Variants in RFX2 observed in about 807,000 individuals in gnomAD.
RFX2 encodes regulatory factor X2.
In RFX2, 20 loss-of-function variants were observed where a neutral mutation model predicts 87.8. That is an observed-to-expected ratio of 0.23 (90% CI 0.16 to 0.33). The LOEUF (loss-of-function observed/expected upper bound fraction) is 0.33, where lower values mean the gene tolerates loss of function less well. RFX2 is among the 10% of genes least tolerant of loss of function. RFX2 has a pLI of 1.00. For synonymous variants in RFX2, 397 were observed against 431.3 expected (o/e 0.92, Z 0.98); for missense variants, 767 against 1,012.3 (o/e 0.76, Z 3.29).
chr19:6,011,851 A>G lies in RFX2; in HGVS notation c.899+1135T>C, dbSNP rs1473672409. Among the ~76,000 whole-genome samples, 2 of 152,234 alleles carry G rather than the reference A, an allele frequency of 1.3e-5. No individual in the cohort carries two copies. Among genetic ancestry groups the G allele is most frequent in the African/African-American group, 4.8e-5 (2 of 41,466 alleles). ...AAAGGTGCCACGTGGGGCTATTGCA[A>G]TGTGGCCCCTGCCCTCAGGGGGGGC... On this transcript the variant is annotated intron_variant, in intron 8 of 17. Transcript: ENST00000303657. This position sits in a 1 kb window ranked among gnomAD's most constrained non-coding sequence, Gnocchi z 4.8.
rs1182100552 is a variant in RFX2 at position 5,997,149 on chromosome 19, G to A, written c.1924C>T (p.Arg642Cys). The A allele has an allele frequency of 1.2e-6, 2 of 1,613,578 alleles. No individual in the cohort carries two copies. Among genetic ancestry groups the A allele is most frequent in the Non-Finnish European group, 8.5e-7 (1 of 1,180,008 alleles). ...AACATGTACTCGTCGTAGAGCAGGC[G>A]GATGAGGTGGAAGGAGCCGAAGCTG... is the stretch of plus-strand genomic sequence containing the variant. The part of the protein sequence containing the change: ...AASFGSFHLI[R>C]LLYDEYMFYL... The change falls in exon 16 of 18, where the codon CGC becomes TGC. Residue 642 changes from arginine to cysteine, a missense_variant. Arg to Cys is a radical substitution (Grantham distance 180). Transcript: ENST00000303657. This position sits in a 1 kb window ranked among gnomAD's most constrained non-coding sequence, Gnocchi z 4.2.
In RFX2 at chr19:6,026,392, C is replaced by T. The variant is rs979548920; in HGVS notation, c.523-155G>A. ...AAAATGAGGCTCCACGCAGGCAGGGCGGGGGTGAGTTAAATTGTGCATGAA... is the reference window on the plus strand; with the variant it reads ...AAAATGAGGCTCCACGCAGGCAGGGTGGGGGTGAGTTAAATTGTGCATGAA... On this transcript the variant is annotated intron_variant, in intron 5 of 17. Transcript: ENST00000303657. The surrounding 1 kb of genome is among the most constrained non-coding windows in gnomAD (Gnocchi z 4.5). The T allele has an allele frequency of 6.0e-6, 4 of 663,652 alleles. No homozygotes were observed. The Admixed American group carries it at 1.1e-4, about 18-fold the overall frequency. The allele number at this position is 663,652 out of a possible 1,614,324, so 41.1% of individuals were successfully genotyped here. A position where few individuals can be genotyped will look rare whatever the true frequency, so the allele number is the denominator to read the frequency against.
chr19:6,051,776 AT>A lies in RFX2; in HGVS notation c.-8-4273del, dbSNP rs202067774. Among the ~76,000 whole-genome samples, 1,005 of 152,362 alleles carry A rather than the reference AT, an allele frequency of 6.6e-3. 6 individuals carry two copies. In the Middle Eastern group the frequency reaches 0.078, roughly 12 times the overall value. On this transcript the variant is annotated intron_variant, in intron 1 of 17. Coordinates refer to ENST00000303657, the MANE Select transcript of RFX2 (RefSeq NM_000635.4). ...CCTGGATAACAATCAAGATCCCATTATATGGTCCCTAAAAGAAACCCTCCTT... is the reference window on the plus strand; with the variant it reads ...CCTGGATAACAATCAAGATCCCATTAATGGTCCCTAAAAGAAACCCTCCTT...
Position 6,085,647 on chromosome 19 carries a change from G to A in RFX2, c.-9+24746C>T, listed in dbSNP as rs561033677. On this transcript the variant is annotated intron_variant, in intron 1 of 17. Transcript: ENST00000303657. ...TAATCCTTCTGTTTTTCCTTTTGTC[G>A]TGAGTGCTTTTGATGTCCTATCCAA... 1.6e-4 allele frequency among the ~76,000 whole-genome samples: 24 copies of A among 152,158 alleles called. No individual in the cohort carries two copies. In the South Asian group the frequency reaches 3.3e-3, roughly 21 times the overall value.
At chr19:6,058,374 TA>T (rs2087377083) in intron 1 of RFX2, among the ~76,000 whole-genome samples, 1 of 152,030 alleles carries the variant, frequency 6.6e-6, no homozygotes, top group Non-Finnish European at 1.5e-5. Flanking sequence ...AGCCCCCGAG[TA>T]AAACAGGCCT....
rs920724427 is a variant in RFX2 at position 6,063,821 on chromosome 19, C to T, written c.-8-16317G>A. On this transcript the variant is annotated intron_variant, in intron 1 of 17. Coordinates refer to ENST00000303657, the MANE Select transcript of RFX2 (RefSeq NM_000635.4). The surrounding 1 kb of genome is among the most constrained non-coding windows in gnomAD (Gnocchi z 4.0). ...CCTCCACCCACTCCATGCCAGGAAA[C>T]CCCCCGACCCCTGTCTGACAGCCAC... is the stretch of plus-strand genomic sequence containing the variant. 1.3e-5 allele frequency among the ~76,000 whole-genome samples: 2 copies of T among 152,198 alleles called. No individual in the cohort carries two copies. Among genetic ancestry groups the T allele is most frequent in the African/African-American group, 4.8e-5 (2 of 41,456 alleles).
rs2088236240 is a variant in RFX2 at position 6,107,523 on chromosome 19, A to T, written c.-9+2870T>A. Among the ~76,000 whole-genome samples the T allele has an allele frequency of 3.4e-5, 5 of 147,848 alleles. No homozygotes were observed. The South Asian group carries it at 8.7e-4, about 26-fold the overall frequency. The stretch of plus-strand genomic sequence containing the variant: ...TCCCAGCTATTCAGGAGGCTGAGAC[A>T]GGTGAATCCCTTGAGCCTGGGAGGT... On this transcript the variant is annotated intron_variant, in intron 1 of 17. Transcript: ENST00000303657.
At chr19:6,043,181 C>A (rs2087135604) in intron 3 of RFX2, among the ~76,000 whole-genome samples, 1 of 152,198 alleles carries the variant, frequency 6.6e-6, no homozygotes, top group Admixed American at 6.5e-5. Flanking sequence ...GGGGCAGGCC[C>A]AGCACCAGAA....
At chr19:6,019,418 A>C (rs2086775443) in intron 6 of RFX2, among the ~76,000 whole-genome samples, 1 of 151,384 alleles carries the variant, frequency 6.6e-6, no homozygotes, top group Non-Finnish European at 1.5e-5. Flanking sequence ...GAGTGCTTGG[A>C]CCCTTAAGAG....
rs554079652 is a variant in RFX2, at chr19:6,021,158, C to T, written c.598-4887G>A. Among the ~76,000 whole-genome samples, 44 of 152,174 alleles carry T rather than the reference C, an allele frequency of 2.9e-4. No individual in the cohort carries two copies. Among genetic ancestry groups the T allele is most frequent in the Non-Finnish European group, 4.1e-4 (28 of 68,040 alleles). ...TCCTGGTGGTGAGTTAGAGTCTCAC[C>T]GGGCCATACACTAGCAGCTCGGGCA... On this transcript the variant is annotated intron_variant, in intron 6 of 17. Coordinates refer to ENST00000303657, the MANE Select transcript of RFX2 (RefSeq NM_000635.4). This position sits in a 1 kb window ranked among gnomAD's most constrained non-coding sequence, Gnocchi z 5.7.
chr19:6,098,917 A>G (rs919243433), intron 1 of RFX2, among the ~76,000 whole-genome samples: 6 of 135,342 alleles, frequency 4.4e-5, no homozygotes, highest in Non-Finnish European at 6.2e-5. Context: ...TTTTGGGGTG[A>G]CCCCAAATGT....
chr19:6,016,955 T>C lies in RFX2; in HGVS notation c.598-684A>G, dbSNP rs916521970. 2.0e-5 allele frequency among the ~76,000 whole-genome samples: 3 copies of C among 152,172 alleles called. No homozygotes were observed. The highest frequency in any genetic ancestry group is 4.8e-5 in the African/African-American group (2 of 41,440). On this transcript the variant is annotated intron_variant, in intron 6 of 17. Transcript: ENST00000303657. The surrounding 1 kb of genome is among the most constrained non-coding windows in gnomAD (Gnocchi z 5.4). ...GAAATTCTGTTGCTGAACAGGAAGATTGAAGAAGACTCGGGGGCCCCACAG... is the reference window on the plus strand; with the variant it reads ...GAAATTCTGTTGCTGAACAGGAAGACTGAAGAAGACTCGGGGGCCCCACAG...
At chr19:6,052,067 G>A (rs372617821) in intron 1 of RFX2, among the ~76,000 whole-genome samples, 4 of 151,964 alleles carry the variant, frequency 2.6e-5, no homozygotes, top group East Asian at 1.9e-4. Context: ...TAGTAGAGAC[G>A]GGGTTTCACC....
At chr19:6,035,346 A>G (rs183634103) in intron 5 of RFX2, among the ~76,000 whole-genome samples, 57 of 152,286 alleles carry the variant, frequency 3.7e-4, no homozygotes, top group African/African-American at 1.4e-3. Context: ...AGGAGGTTCC[A>G]CTTGGGCAGA....
intron 5 of RFX2, among the ~76,000 whole-genome samples, chr19:6,032,446 T>C (rs2086965081): frequency 6.6e-6 from 1 of 152,114 alleles, no homozygotes; most frequent in Admixed American, 6.5e-5. Context: ...TGCAGATTGT[T>C]TTTAAAAGGG....
chr19:6,015,394 A>G (rs1599853421), intron 7 of RFX2, among the ~76,000 whole-genome samples: 1 of 151,908 alleles, frequency 6.6e-6, no homozygotes. Context: ...ACGCCACTGC[A>G]CTCCAGCCTG....
rs1599847885 is a variant in RFX2 at position 6,010,109 on chromosome 19, GC to G, written c.1015+26del. On this transcript the variant is annotated intron_variant, in intron 9 of 17. Coordinates refer to ENST00000303657, the MANE Select transcript of RFX2 (RefSeq NM_000635.4). This position sits in a 1 kb window ranked among gnomAD's most constrained non-coding sequence, Gnocchi z 5.0. Reference sequence around the variant, plus strand: ...AGTGTGGCGAGCAGATGGGAGCCCCGCCCCCGGGCCTGACCGGGCCTCTCAC... The same window carrying G: ...AGTGTGGCGAGCAGATGGGAGCCCCGCCCCGGGCCTGACCGGGCCTCTCAC... 2 of 1,441,788 alleles carry G rather than the reference GC, an allele frequency of 1.4e-6. No individual in the cohort carries two copies. Among genetic ancestry groups the G allele is most frequent in the Non-Finnish European group, 9.5e-7 (1 of 1,052,910 alleles). 89.3% of individuals were successfully genotyped at this position (1,441,788 alleles called of 1,614,324 possible).
chr19:6,047,359 C>A lies in RFX2; in HGVS notation c.90+48G>T. The A allele has an allele frequency of 7.0e-7, 1 of 1,437,316 alleles. No homozygotes were observed. The highest frequency in any genetic ancestry group is 9.6e-7 in the Non-Finnish European group (1 of 1,045,384). The allele number at this position is 1,437,316 out of a possible 1,614,324, so 89.0% of individuals were successfully genotyped here. ...GAGCAGCTTTCAAACCCATAGAGAT[C>A]GCGTCCACACTGTGGCCACCCTGTT... On this transcript the variant is annotated intron_variant, in intron 2 of 17. Transcript: ENST00000303657. The surrounding 1 kb of genome is among the most constrained non-coding windows in gnomAD (Gnocchi z 4.2).
chr19:6,017,394 T>C lies in RFX2; in HGVS notation c.598-1123A>G, dbSNP rs2086742647. Among the ~76,000 whole-genome samples, 1 of 152,202 alleles carries C rather than the reference T, an allele frequency of 6.6e-6. No individual in the cohort carries two copies. Among genetic ancestry groups the C allele is most frequent in the African/African-American group, 2.4e-5 (1 of 41,456 alleles). The stretch of plus-strand genomic sequence containing the variant: ...ACGCAAAGGTGGCCTGCCCACCAAC[T>C]GATGCCCTCACCCAGGTGCCTTAAA... On this transcript the variant is annotated intron_variant, in intron 6 of 17. Transcript: ENST00000303657. The surrounding 1 kb of genome is among the most constrained non-coding windows in gnomAD (Gnocchi z 4.1).
Sources: allele counts gnomAD v4.1 joint callset (sites outside exome capture counted in the v4.1 genomes callset), GRCh38; gene constraint gnomAD v4.1.1; non-coding constraint Gnocchi (gnomAD v3.1); transcripts MANE v1.5; gene names NCBI Gene and HGNC (gene_info 2026-07-23, HGNC 2026-07-21).